The following ZRANB1 variants were observed in gnomAD, a reference collection of about 807,000 sequenced individuals.
ZRANB1 encodes zinc finger RANBP2-type containing 1.
In ZRANB1, 16 loss-of-function variants were observed where a neutral mutation model predicts 80.5. The ratio of observed to expected loss-of-function variants is 0.20; its 90% CI spans 0.13 to 0.30. ZRANB1 has a LOEUF of 0.30. Ranked by LOEUF, ZRANB1 falls within the 10% of genes least tolerant of loss-of-function variation. ZRANB1 has a pLI of 1.00. For synonymous variants in ZRANB1, 291 were observed against 293.1 expected (o/e 0.99, Z 0.07); for missense variants, 576 against 862.6 (o/e 0.67, Z 4.16).
the ZRANB1 span, among the ~76,000 whole-genome samples, chr10:124,926,852 A>G: frequency 6.6e-6 from 1 of 152,256 alleles, no homozygotes; most frequent in Non-Finnish European, 1.5e-5. Flanking sequence ...CTTTGACGTC[A>G]CAAGGCAAAT....
rs1386128194 is a variant in ZRANB1, at chr10:124,985,995, AAATGC to A, written c.*1007_*1011del. 6.6e-6 allele frequency: 1 copy of A among 152,380 alleles called. No homozygotes were observed. Among genetic ancestry groups the A allele is most frequent in the Non-Finnish European group, 1.5e-5 (1 of 68,042 alleles). 9.4% of individuals were successfully genotyped at this position (152,380 alleles called of 1,614,324 possible). ...ATTCACTACAGAATAAAGATTTTAA[AAATGC>A]AATAAGGTGGCAAATGCATTGTATG... On this transcript the variant is annotated 3_prime_UTR_variant, in exon 9 of 9. Transcript: ENST00000359653.
intron 1 of ZRANB1, among the ~76,000 whole-genome samples, chr10:124,944,559 C>T (rs1212245000): frequency 1.4e-5 from 2 of 138,648 alleles, no homozygotes; most frequent in African/African-American, 5.3e-5. Context: ...AATCATGGCT[C>T]ACTGCAGCCT....
At chr10:124,934,330 CCT>C in the ZRANB1 span, among the ~76,000 whole-genome samples, 20 of 152,258 alleles carry the variant, frequency 1.3e-4, no homozygotes, top group South Asian at 4.1e-3. Context: ...ATAATAGTGA[CCT>C]CTTTTTATAG....
chr10:124,945,900 C>T (rs1172073334), intron 1 of ZRANB1: 5 of 152,208 alleles, frequency 3.3e-5, no homozygotes, highest in Non-Finnish European at 7.3e-5. Flanking sequence ...CATCCGCCCA[C>T]CTCAGCCTCC....
At chr10:124,976,783 G>A (rs1332119314) in intron 5 of ZRANB1, among the ~76,000 whole-genome samples, 1 of 151,778 alleles carries the variant, frequency 6.6e-6, no homozygotes, top group Non-Finnish European at 1.5e-5. Context: ...TGTTGCCCAG[G>A]CTGGTCTCGA....
chr10:124,926,390 A>C, the ZRANB1 span, among the ~76,000 whole-genome samples: 21 of 152,346 alleles, frequency 1.4e-4, no homozygotes, highest in African/African-American at 5.1e-4. Flanking sequence ...GCTGCACAAA[A>C]ATATTTTGGT....
At chr10:124,976,864 G>A (rs1418887075) in intron 5 of ZRANB1, among the ~76,000 whole-genome samples, 1 of 150,878 alleles carries the variant, frequency 6.6e-6, no homozygotes, top group Admixed American at 6.6e-5. Flanking sequence ...GAGCCACCGC[G>A]CCTGGCCTTT....
At chr10:124,979,775 A>G (rs191099891) in intron 5 of ZRANB1, among the ~76,000 whole-genome samples, 12 of 152,302 alleles carry the variant, frequency 7.9e-5, no homozygotes, top group African/African-American at 2.9e-4. Flanking sequence ...ATTGAAAAAA[A>G]CCCTTTCTAC....
the ZRANB1 span, among the ~76,000 whole-genome samples, chr10:124,931,997 A>G: frequency 3.9e-5 from 6 of 152,108 alleles, no homozygotes; most frequent in African/African-American, 1.4e-4. Context: ...AACTCTTGCA[A>G]TCCCCTGATC....
the ZRANB1 span, among the ~76,000 whole-genome samples, chr10:124,923,254 G>A: frequency 9.3e-5 from 14 of 151,152 alleles, no homozygotes; most frequent in Admixed American, 9.2e-4. Flanking sequence ...CTCCAGCCTG[G>A]GCGACAGAGC....
At chr10:124,927,045 C>A in the ZRANB1 span, among the ~76,000 whole-genome samples, 1 of 152,192 alleles carries the variant, frequency 6.6e-6, no homozygotes, top group Non-Finnish European at 1.5e-5. Context: ...GGCTCCGCCC[C>A]CTGGGGTTCA....
the ZRANB1 span, among the ~76,000 whole-genome samples, chr10:124,919,360 C>T: frequency 6.6e-6 from 1 of 152,020 alleles, no homozygotes; most frequent in South Asian, 2.1e-4. Context: ...GCCTGGCCAA[C>T]ATGGTGAAAC....
chr10:124,952,640 C>T lies in ZRANB1; in HGVS notation c.814+9333C>T, dbSNP rs560592343. On this transcript the variant is annotated intron_variant, in intron 1 of 8. Transcript: ENST00000359653. Reference sequence around the variant, plus strand: ...TTTTTTTTTTTGGAGATGGAGTTTTCGCTCTTGTTGCCTAGGCTGGAGTGT... The same window carrying T: ...TTTTTTTTTTTGGAGATGGAGTTTTTGCTCTTGTTGCCTAGGCTGGAGTGT... Among the ~76,000 whole-genome samples, 17 of 150,888 alleles carry T rather than the reference C, an allele frequency of 1.1e-4. No homozygotes were observed. In the South Asian group the frequency reaches 3.3e-3, roughly 30 times the overall value.
At position 124,986,579 on chromosome 10, in the gene ZRANB1, G is replaced by A. The variant is rs776369847; in HGVS notation, c.*1587G>A. 1 of 152,092 alleles carries A rather than the reference G, an allele frequency of 6.6e-6. No individual in the cohort carries two copies. The highest frequency in any genetic ancestry group is 2.4e-5 in the African/African-American group (1 of 41,408). 9.4% of individuals were successfully genotyped at this position (152,092 alleles called of 1,614,324 possible). On this transcript the variant is annotated 3_prime_UTR_variant, in exon 9 of 9. Coordinates refer to ENST00000359653, the MANE Select transcript of ZRANB1 (RefSeq NM_017580.3). ...TGCAGGAAAAATGATTTTTTAGTAC[G>A]ATTCTGTAGAAATGAATCTTTGATA...
chr10:124,985,081 G>C lies in ZRANB1; in HGVS notation c.*89G>C. The C allele has an allele frequency of 9.6e-7, 1 of 1,044,786 alleles. No homozygotes were observed. Among genetic ancestry groups the C allele is most frequent in the Non-Finnish European group, 1.4e-6 (1 of 709,798 alleles). The allele number at this position is 1,044,786 out of a possible 1,614,324, so 64.7% of individuals were successfully genotyped here. A position where few individuals can be genotyped will look rare whatever the true frequency, so the allele number is the denominator to read the frequency against. On this transcript the variant is annotated 3_prime_UTR_variant, in exon 9 of 9. Transcript: ENST00000359653. ...GTGCTCCAAGCAGAGTCGACATCAT[G>C]GAATGAACCAAATCTGGCAGGATCT...
chr10:124,955,213 A>G (rs907662055), intron 1 of ZRANB1, among the ~76,000 whole-genome samples: 1 of 131,222 alleles, frequency 7.6e-6, no homozygotes, highest in Admixed American at 7.8e-5. Context: ...TAAAAATGTT[A>G]CATTAAAAGG....
In ZRANB1 at chr10:124,943,020, G is replaced by T; in HGVS notation, c.527G>T (p.Arg176Ile). 6.2e-7 allele frequency: 1 copy of T among 1,614,208 alleles called. No individual in the cohort carries two copies. The highest frequency in any genetic ancestry group is 8.5e-7 in the Non-Finnish European group (1 of 1,180,024). Reference sequence around the variant, plus strand: ...AGATGTGTTGTTTGTGATCATCCCAGACCTAATAACATTGAAGCAATAGAA... The same window carrying T: ...AGATGTGTTGTTTGTGATCATCCCATACCTAATAACATTGAAGCAATAGAA... ...AKRCVVCDHP[R>I]PNNIEAIELA... is the part of the protein sequence containing the mutation. The change falls in exon 1 of 9, where the codon AGA (arginine) becomes ATA (isoleucine). Residue 176 changes from arginine to isoleucine, a missense_variant. Physicochemically the swap from Arg to Ile is moderately conservative, Grantham distance 97 (BLOSUM62 -3). This residue lies in a region of ZRANB1 where 411 missense variants were observed against 583.1 expected (regional missense o/e 0.70). Coordinates refer to ENST00000359653, the MANE Select transcript of ZRANB1 (RefSeq NM_017580.3).
intron 1 of ZRANB1, among the ~76,000 whole-genome samples, chr10:124,961,449 A>G (rs940609992): frequency 6.6e-6 from 1 of 152,244 alleles, no homozygotes; most frequent in Non-Finnish European, 1.5e-5. Flanking sequence ...TGTCCCAAAG[A>G]TAACTTTGTG....
the ZRANB1 span, among the ~76,000 whole-genome samples, chr10:124,927,281 T>C: frequency 6.6e-6 from 1 of 152,196 alleles, no homozygotes; most frequent in Non-Finnish European, 1.5e-5. Flanking sequence ...TAAGTTGATT[T>C]ATTGCAAGGC....
Sources: allele counts gnomAD v4.1 joint callset (sites outside exome capture counted in the v4.1 genomes callset), GRCh38; gene constraint gnomAD v4.1.1; regional missense constraint gnomAD v4.1.1; transcripts MANE v1.5; gene names NCBI Gene and HGNC (gene_info 2026-07-23, HGNC 2026-07-21).